Variants in ZNF532 observed in about 807,000 individuals in gnomAD.
ZNF532 encodes the protein zinc finger protein 532.
In ZNF532, 22 loss-of-function variants were observed where a neutral mutation model predicts 89.3. The observed-to-expected ratio is 0.25, with a 90% CI of 0.18 to 0.35. ZNF532 has a LOEUF of 0.35. Ranked by LOEUF, ZNF532 falls within the 10% of genes least tolerant of loss-of-function variation. ZNF532 has a pLI of 1.00. For missense variants in ZNF532, 1,132 were observed against 1,643.4 expected, an observed-to-expected ratio of 0.69 and a Z score of 5.38; for synonymous variants, 606 against 649.6, an observed-to-expected ratio of 0.93 and a Z score of 1.02.
intron 9 of ZNF532, among the ~76,000 whole-genome samples, chr18:58,982,636 A>T (rs56908726): frequency 0.036 from 5,547 of 152,214 alleles, 103 homozygotes; most frequent in East Asian, 0.059. Flanking sequence ...CCCCCAAAAA[A>T]AGTTAGCAGA....
At chr18:58,870,500 T>C (rs931478572) in intron 2 of ZNF532, among the ~76,000 whole-genome samples, 4 of 152,058 alleles carry the variant, frequency 2.6e-5, no homozygotes, top group African/African-American at 9.7e-5. Context: ...GGGATGGAGC[T>C]GGAAGGCAGT....
intron 2 of ZNF532, among the ~76,000 whole-genome samples, chr18:58,896,833 G>C (rs1261497307): frequency 6.6e-6 from 1 of 152,186 alleles, no homozygotes; most frequent in Non-Finnish European, 1.5e-5. Flanking sequence ...ATTTAGACAG[G>C]AGGAAGATAG....
At position 58,925,244 on chromosome 18, in the gene ZNF532, G is replaced by A. The variant is rs1045400776; in HGVS notation, c.2346+4611G>A. 2.6e-5 allele frequency among the ~76,000 whole-genome samples: 4 copies of A among 152,198 alleles called. 1 individual carries two copies. Among genetic ancestry groups the A allele is most frequent in the Middle Eastern group, 3.4e-3 (1 of 294 alleles). ...CTATATTCCCAGGAGCAACACACGA[G>A]GGATCCAGTTTCTCTGCATCCTCCA... On this transcript the variant is annotated intron_variant, in intron 3 of 9. Transcript: ENST00000591808.
chr18:58,887,934 A>T (rs2058420506), intron 2 of ZNF532, among the ~76,000 whole-genome samples: 1 of 152,148 alleles, frequency 6.6e-6, no homozygotes, highest in Non-Finnish European at 1.5e-5. Flanking sequence ...TTTCCTGCGG[A>T]ATTAAAGGAG....
intron 6 of ZNF532, 140 bp downstream of exon 6, chr18:58,948,369 A>G (rs2063841082): frequency 1.5e-5 from 11 of 756,462 alleles, no homozygotes; most frequent in Non-Finnish European, 2.3e-5. Context: ...TCAGTGAGCA[A>G]CTTACATGCT....
chr18:58,936,034 G>C (rs1447945665), intron 4 of ZNF532, among the ~76,000 whole-genome samples: 2 of 152,136 alleles, frequency 1.3e-5, no homozygotes, highest in Non-Finnish European at 2.9e-5. Context: ...AACTTGTAAT[G>C]CACAAATGTT....
At chr18:58,950,286 G>T (rs1041222081) in intron 6 of ZNF532, among the ~76,000 whole-genome samples, 4 of 152,084 alleles carry the variant, frequency 2.6e-5, no homozygotes, top group Non-Finnish European at 5.9e-5. Flanking sequence ...ACTGAAGAGG[G>T]GTGGTAAAAT....
chr18:58,942,349 C>CTTT (rs2063237638), intron 5 of ZNF532, among the ~76,000 whole-genome samples: 2 of 43,172 alleles, frequency 4.6e-5, no homozygotes, highest in Non-Finnish European at 8.2e-5. Context: ...CTCCCTCCCT[C>CTTT]CCTTCCTTCC....
intron 2 of ZNF532, among the ~76,000 whole-genome samples, chr18:58,894,269 A>G (rs541256606): frequency 3.2e-4 from 48 of 152,274 alleles, no homozygotes; most frequent in African/African-American, 1.2e-3. Flanking sequence ...GTTTGAGACC[A>G]GCCCGGCTAA....
chr18:58,893,241 G>T (rs1007849094), intron 2 of ZNF532, among the ~76,000 whole-genome samples: 1 of 152,132 alleles, frequency 6.6e-6, no homozygotes, highest in Non-Finnish European at 1.5e-5. Flanking sequence ...GCCTGCCAAA[G>T]TGCTGGGATT....
intron 7 of ZNF532, among the ~76,000 whole-genome samples, chr18:58,967,573 G>A (rs1407079935): frequency 2.0e-5 from 3 of 151,976 alleles, no homozygotes; most frequent in African/African-American, 4.8e-5. Flanking sequence ...ACCTGTGGCC[G>A]CCTCCACCAT....
chr18:58,910,642 T>C (rs1038643390), intron 2 of ZNF532, among the ~76,000 whole-genome samples: 1 of 151,930 alleles, frequency 6.6e-6, no homozygotes, highest in African/African-American at 2.4e-5. Context: ...AATTTTTGTA[T>C]TTGTAGTAGA....
chr18:58,878,288 C>G (rs980744909), intron 2 of ZNF532, among the ~76,000 whole-genome samples: 11 of 151,456 alleles, frequency 7.3e-5, no homozygotes, highest in African/African-American at 2.7e-4. Context: ...AAAAAAACCA[C>G]TGGGCAGGTA....
intron 5 of ZNF532, among the ~76,000 whole-genome samples, chr18:58,945,342 G>A (rs745584246): frequency 3.9e-5 from 6 of 152,192 alleles, no homozygotes; most frequent in Admixed American, 6.5e-5. Flanking sequence ...GGGCAAGGGC[G>A]ACATCCACCT....
chr18:58,940,966 T>A (rs1194469803), intron 5 of ZNF532, among the ~76,000 whole-genome samples: 331 of 58,926 alleles, frequency 5.6e-3, no homozygotes, highest in Middle Eastern at 0.013. Context: ...ACACTCTTTC[T>A]CTCTCTCTCT....
At chr18:58,980,311 C>G (rs536556763) in intron 8 of ZNF532, 1 of 152,334 alleles carries the variant, frequency 6.6e-6, no homozygotes, top group South Asian at 2.1e-4. Flanking sequence ...GATGGGAGAT[C>G]TGGCCCATAA....
Position 58,892,141 on chromosome 18 carries a change from C to T in ZNF532, c.-17-26130C>T, listed in dbSNP as rs544726362. Among the ~76,000 whole-genome samples, 6 of 152,248 alleles carry T rather than the reference C, an allele frequency of 3.9e-5. No individual in the cohort carries two copies. In the East Asian group the frequency reaches 5.8e-4, roughly 15 times the overall value. The stretch of plus-strand genomic sequence containing the variant: ...CCATTTCTCTCATCTTTCATTTTAT[C>T]GTGAGTTAAACATATATCTTCAGGA... On this transcript the variant is annotated intron_variant, in intron 2 of 9. Transcript: ENST00000591808.
At chr18:58,905,330 T>C (rs982511518) in intron 2 of ZNF532, among the ~76,000 whole-genome samples, 11 of 152,128 alleles carry the variant, frequency 7.2e-5, no homozygotes, top group African/African-American at 2.7e-4. Context: ...GTAAAAGGAT[T>C]ATAGTATACA....
intron 2 of ZNF532, among the ~76,000 whole-genome samples, chr18:58,890,772 TCTTC>T (rs1158947025): frequency 6.6e-6 from 1 of 151,818 alleles, no homozygotes; most frequent in Non-Finnish European, 1.5e-5. Context: ...CCACTCCACC[TCTTC>T]CTCTTCCTCA....
Sources: gnomAD v4.1 joint callset for allele counts (sites outside exome capture counted in the v4.1 genomes callset) on GRCh38, gnomAD v4.1.1 for gene constraint, MANE v1.5 for transcripts, NCBI Gene and HGNC (gene_info 2026-07-23, HGNC 2026-07-21) for gene names.